MVB12B: variants seen among roughly 807,000 people sequenced by gnomAD.
MVB12B encodes the protein multivesicular body subunit 12B, also known as ESCRT-I complex subunit MVB12B.
A neutral mutation model predicts 41.6 loss-of-function variants in MVB12B; 16 were observed. The observed-to-expected ratio is 0.38, with a 90% CI of 0.26 to 0.58. The LOEUF is 0.58. Ranked by LOEUF, MVB12B falls within the 20% of genes least tolerant of loss-of-function variation. MVB12B has a pLI of 0.62. For synonymous variants in MVB12B, 133 were observed against 139.7 expected (o/e 0.95, Z 0.34); for missense variants, 274 against 380.2 (o/e 0.72, Z 2.32).
chr9:126,497,369 G>A (rs1253069773), intron 9 of MVB12B, among the ~76,000 whole-genome samples: 1 of 152,114 alleles, frequency 6.6e-6, no homozygotes, highest in African/African-American at 2.4e-5. Flanking sequence ...AAGGGTCTGC[G>A]GGAGCCCTCA....
chr9:126,483,133 G>GC (rs1833561328), intron 8 of MVB12B, among the ~76,000 whole-genome samples: 1 of 152,140 alleles, frequency 6.6e-6, no homozygotes, highest in African/African-American at 2.4e-5. Flanking sequence ...TTTAGCCTTG[G>GC]CCCCAGGAGG....
intron 2 of MVB12B, among the ~76,000 whole-genome samples, chr9:126,342,963 G>T (rs967773589): frequency 6.6e-6 from 1 of 152,158 alleles, no homozygotes; most frequent in Non-Finnish European, 1.5e-5. Context: ...ATTTCTCCCT[G>T]CGCACAGAGC....
chr9:126,399,740 C>T (rs1285363217), intron 6 of MVB12B, among the ~76,000 whole-genome samples: 2 of 152,182 alleles, frequency 1.3e-5, no homozygotes, highest in Non-Finnish European at 2.9e-5. Flanking sequence ...CCCTGGTGGG[C>T]TGCAGCCCTC....
At chr9:126,453,782 T>A (rs1046849756) in intron 7 of MVB12B, among the ~76,000 whole-genome samples, 4 of 152,192 alleles carry the variant, frequency 2.6e-5, no homozygotes, top group Admixed American at 6.5e-5. Flanking sequence ...CTCACATGCA[T>A]ATGTGCACAC....
At chr9:126,445,592 C>A (rs962580957) in intron 7 of MVB12B, among the ~76,000 whole-genome samples, 2 of 152,192 alleles carry the variant, frequency 1.3e-5, no homozygotes, top group African/African-American at 4.8e-5. Context: ...CGTGAGCCAC[C>A]GCACCCAGCC....
rs1345111299 is a variant in MVB12B at position 126,478,414 on chromosome 9, C to T, written c.758-2955C>T. 6.6e-6 allele frequency among the ~76,000 whole-genome samples: 1 copy of T among 152,280 alleles called. No homozygotes were observed. Among genetic ancestry groups the T allele is most frequent in the East Asian group, 1.9e-4 (1 of 5,160 alleles). The stretch of plus-strand genomic sequence containing the variant: ...GCCCCTGAGCCCCCAGGCCCTGCCC[C>T]TGGGCTGGGGACCTGGAATGCAGAG... On this transcript the variant is annotated intron_variant, in intron 7 of 9. Coordinates refer to ENST00000361171, the MANE Select transcript of MVB12B (RefSeq NM_033446.3). The surrounding 1 kb of genome is among the most constrained non-coding windows in gnomAD (Gnocchi z 4.2).
chr9:126,415,157 C>T (rs935193663), intron 6 of MVB12B, among the ~76,000 whole-genome samples: 1 of 152,202 alleles, frequency 6.6e-6, no homozygotes, highest in Non-Finnish European at 1.5e-5. Flanking sequence ...CTTGCTTCCT[C>T]CCTCCTCCAG....
chr9:126,408,849 G>C (rs1377582375), intron 6 of MVB12B, among the ~76,000 whole-genome samples: 3 of 152,202 alleles, frequency 2.0e-5, no homozygotes, highest in Non-Finnish European at 4.4e-5. Context: ...CCAAGCTGAT[G>C]TATAGTTCTA....
At chr9:126,426,843 C>T (rs1832192869) in intron 7 of MVB12B, 1 of 152,352 alleles carries the variant, frequency 6.6e-6, no homozygotes, top group Non-Finnish European at 1.5e-5. Flanking sequence ...CTGAACTATT[C>T]TCTTAAGCCC....
At chr9:126,330,097 G>A (rs1829087126) in intron 1 of MVB12B, among the ~76,000 whole-genome samples, 1 of 152,102 alleles carries the variant, frequency 6.6e-6, no homozygotes, top group South Asian at 2.1e-4. Context: ...CTCCCTTGTT[G>A]GGGACATCCT....
At chr9:126,475,846 G>A (rs1833408729) in intron 7 of MVB12B, among the ~76,000 whole-genome samples, 1 of 152,200 alleles carries the variant, frequency 6.6e-6, no homozygotes. Context: ...CCTGGACAGT[G>A]AGACCCCCAT....
rs1462843914 is a variant in MVB12B, at chr9:126,503,551, CCTCA to C, written c.*294_*297del. 5 of 473,188 alleles carry C rather than the reference CCTCA, an allele frequency of 1.1e-5. No individual in the cohort carries two copies. The highest frequency in any genetic ancestry group is 1.9e-5 in the Non-Finnish European group (5 of 265,022). The allele number at this position is 473,188 out of a possible 1,614,324, so 29.3% of individuals were successfully genotyped here. The stretch of plus-strand genomic sequence containing the variant: ...GTGATGACCAGTTGTCCTCCAAAAA[CCTCA>C]CTCACCACGGAGTCACCCTGAGGGC... On this transcript the variant is annotated 3_prime_UTR_variant, in exon 10 of 10. Transcript: ENST00000361171.
Position 126,395,694 on chromosome 9 carries a change from C to T in MVB12B, c.659C>T (p.Pro220Leu). The T allele has an allele frequency of 6.2e-7, 1 of 1,614,032 alleles. No homozygotes were observed. Among genetic ancestry groups the T allele is most frequent in the East Asian group, 2.2e-5 (1 of 44,888 alleles). ...GCCTCCACCCCAGCCCCCAACCTTC[C>T]CAGGTGAGGCCTTGTCGGGGTGTCT... Reference protein sequence around the residue: ...SAASTPAPNLPRHISLTLPAT... With the variant: ...SAASTPAPNLLRHISLTLPAT... Residue 220 changes from proline to leucine, a missense_variant, in exon 6 of 10, where the codon CCC becomes CTC. Coordinates refer to ENST00000361171, the MANE Select transcript of MVB12B (RefSeq NM_033446.3). The surrounding 1 kb of genome is among the most constrained non-coding windows in gnomAD (Gnocchi z 4.9).
chr9:126,345,606 C>G (rs542481620), intron 2 of MVB12B, among the ~76,000 whole-genome samples: 1 of 152,040 alleles, frequency 6.6e-6, no homozygotes, highest in East Asian at 1.9e-4. Context: ...CCCAGGAGGT[C>G]TCTCTGATAA....
chr9:126,390,024 C>G (rs946018625), intron 4 of MVB12B, among the ~76,000 whole-genome samples: 2 of 152,148 alleles, frequency 1.3e-5, no homozygotes, highest in Admixed American at 1.3e-4. Flanking sequence ...GTCCCCCTCC[C>G]CACTCCCGGC....
rs1833921105 is a variant in MVB12B at position 126,500,018 on chromosome 9, C to G, written c.874-3159C>G. On this transcript the variant is annotated intron_variant, in intron 9 of 9. Coordinates refer to ENST00000361171, the MANE Select transcript of MVB12B (RefSeq NM_033446.3). ...CTGCCGAATCAGCCAGTTGCTCACA[C>G]AGGCGTGGAAGCGTCCTGCTCCCCC... 2.0e-5 allele frequency among the ~76,000 whole-genome samples: 3 copies of G among 152,322 alleles called. No homozygotes were observed. In the South Asian group the frequency reaches 6.2e-4, roughly 32 times the overall value.
rs373403639 is a variant in MVB12B at position 126,425,613 on chromosome 9, AT to A, written c.757+3673del. Reference sequence around the variant, plus strand: ...CTTATTGTCCCTTTTAGAAAATATGATTTTTTTTCCCTGTTATGCAGTCCCC... The same window carrying A: ...CTTATTGTCCCTTTTAGAAAATATGATTTTTTTCCCTGTTATGCAGTCCCC... On this transcript the variant is annotated intron_variant, in intron 7 of 9. Transcript: ENST00000361171. Among the ~76,000 whole-genome samples, 88 of 152,086 alleles carry A rather than the reference AT, an allele frequency of 5.8e-4. 1 individual carries two copies. The highest frequency in any genetic ancestry group is 1.9e-3 in the African/African-American group (80 of 41,486).
Position 126,386,615 on chromosome 9 carries a change from A to G in MVB12B, c.366A>G (p.Thr122=), listed in dbSNP as rs762170558. Residue 122 remains threonine, a synonymous_variant, in exon 4 of 10, where the codon ACA becomes ACG. Transcript: ENST00000361171. The surrounding 1 kb of genome is among the most constrained non-coding windows in gnomAD (Gnocchi z 4.3). Reference sequence around the variant, plus strand: ...TGAAGCTCATTGACATCAAGGACACACTGCCTGTGGGCTTCATCCCAATTC... The same window carrying G: ...TGAAGCTCATTGACATCAAGGACACGCTGCCTGTGGGCTTCATCCCAATTC... ...VDMKLIDIKD[T]LPVGFIPIQE... 6.2e-7 allele frequency: 1 copy of G among 1,614,162 alleles called. No homozygotes were observed. Among genetic ancestry groups the G allele is most frequent in the Non-Finnish European group, 8.5e-7 (1 of 1,179,998 alleles).
intron 5 of MVB12B, among the ~76,000 whole-genome samples, chr9:126,393,600 G>A (rs771584825): frequency 1.3e-5 from 2 of 152,212 alleles, no homozygotes; most frequent in Admixed American, 6.5e-5. Context: ...GACAAACCAC[G>A]ACTGGTGCTG....
Sources: allele counts gnomAD v4.1 joint callset (sites outside exome capture counted in the v4.1 genomes callset), GRCh38; gene constraint gnomAD v4.1.1; non-coding constraint Gnocchi (gnomAD v3.1); transcripts MANE v1.5; gene names NCBI Gene and HGNC (gene_info 2026-07-23, HGNC 2026-07-21).